Variants in PAX2 observed in about 807,000 individuals in gnomAD.
The protein encoded by PAX2 is paired box 2.
In PAX2, 9 loss-of-function variants were observed where a neutral mutation model predicts 41.7. The ratio of observed to expected loss-of-function variants is 0.22; its 90% CI spans 0.13 to 0.38. PAX2 has a LOEUF of 0.38. Ranked by LOEUF, PAX2 falls within the 10% of genes least tolerant of loss-of-function variation. The pLI, the probability that PAX2 is intolerant of heterozygous loss-of-function variation, is 1.00. For missense variants in PAX2, 418 were observed against 531.6 expected, an observed-to-expected ratio of 0.79 and a Z score of 2.10; for synonymous variants, 221 against 212.7, an observed-to-expected ratio of 1.04 and a Z score of -0.34.
chr10:100,769,931 G>A (rs377729101), intron 3 of PAX2, among the ~76,000 whole-genome samples: 1 of 152,236 alleles, frequency 6.6e-6, no homozygotes, highest in South Asian at 2.1e-4. Flanking sequence ...GGGAAACAGA[G>A]AGAAATAGAT....
chr10:100,818,471 G>A (rs991410229), intron 7 of PAX2, among the ~76,000 whole-genome samples: 2 of 152,132 alleles, frequency 1.3e-5, no homozygotes, highest in Non-Finnish European at 2.9e-5. Flanking sequence ...AGTGTCTTAT[G>A]CCAAAGAACG....
At chr10:100,825,481 A>ACCTAACC (rs1469973821) in intron 8 of PAX2, among the ~76,000 whole-genome samples, 4 of 152,120 alleles carry the variant, frequency 2.6e-5, no homozygotes, top group African/African-American at 9.7e-5. Flanking sequence ...GTTGTACTAT[A>ACCTAACC]CCTAACCCCT....
chr10:100,786,276 T>G (rs1846854852), intron 5 of PAX2, among the ~76,000 whole-genome samples: 1 of 152,260 alleles, frequency 6.6e-6, no homozygotes, highest in South Asian at 2.1e-4. Context: ...TCTGTTCATT[T>G]ACTCTGTGGT....
intron 3 of PAX2, among the ~76,000 whole-genome samples, chr10:100,763,749 G>C (rs1343073156): frequency 6.6e-6 from 1 of 152,186 alleles, no homozygotes; most frequent in Non-Finnish European, 1.5e-5. Context: ...GTAGGTGCTT[G>C]CTAAGCACCT....
intron 5 of PAX2, among the ~76,000 whole-genome samples, chr10:100,790,984 C>T (rs1239605173): frequency 6.6e-6 from 1 of 152,230 alleles, no homozygotes; most frequent in Non-Finnish European, 1.5e-5. Flanking sequence ...CCTGACCCTT[C>T]GGTGAACCTG....
At position 100,779,501 on chromosome 10, in the gene PAX2, C is replaced by A. The variant is rs1181522217; in HGVS notation, c.414C>A (p.Ile138=). 6 of 1,589,872 alleles carry A rather than the reference C, an allele frequency of 3.8e-6. No individual in the cohort carries two copies. Among genetic ancestry groups the A allele is most frequent in the Admixed American group, 1.8e-5 (1 of 56,324 alleles). The change falls in exon 4 of 10, where the codon ATC becomes ATA. Residue 138 remains isoleucine (I), a synonymous_variant. Coordinates refer to ENST00000355243, the MANE Select transcript of PAX2 (RefSeq NM_000278.5). ...TGCTGTTGTGACGCTGTTGCAGAATCATCCGGACCAAAGTTCAGCAGCCTT... is the reference window on the plus strand; with the variant it reads ...TGCTGTTGTGACGCTGTTGCAGAATAATCCGGACCAAAGTTCAGCAGCCTT... ...TVPSVSSINR[I]IRTKVQQPFH...
chr10:100,800,010 T>C (rs1050139449), intron 5 of PAX2, among the ~76,000 whole-genome samples: 18 of 151,770 alleles, frequency 1.2e-4, no homozygotes, highest in African/African-American at 4.4e-4. Flanking sequence ...TGGTCTCGAA[T>C]TCATGACCTT....
rs369726795 is a variant in PAX2, at chr10:100,824,763, C to T, written c.1021+14C>T. On this transcript the variant is annotated intron_variant, in intron 8 of 9. Transcript: ENST00000355243. This position sits in a 1 kb window ranked among gnomAD's most constrained non-coding sequence, Gnocchi z 6.6. The stretch of plus-strand genomic sequence containing the variant: ...GAATGGTGCCTGGTAGGTGACAATG[C>T]TGCAGCTGCCTAATCTAGGTGGGGG... 2 of 1,564,648 alleles carry T rather than the reference C, an allele frequency of 1.3e-6. No homozygotes were observed. Among genetic ancestry groups the T allele is most frequent in the Non-Finnish European group, 8.8e-7 (1 of 1,134,932 alleles).
At chr10:100,792,044 T>C (rs1847138341) in intron 5 of PAX2, among the ~76,000 whole-genome samples, 2 of 152,246 alleles carry the variant, frequency 1.3e-5, no homozygotes, top group African/African-American at 4.8e-5. Context: ...GGATCCATTT[T>C]TCTCTGGCAT....
chr10:100,740,643 T>C (rs1844920590), upstream of PAX2, among the ~76,000 whole-genome samples: 1 of 152,198 alleles, frequency 6.6e-6, no homozygotes, highest in Non-Finnish European at 1.5e-5. Flanking sequence ...ATTGATTAGC[T>C]CCATGGAGTA....
chr10:100,747,723 A>G, intron 1 of PAX2: 2 of 984,932 alleles, frequency 2.0e-6, no homozygotes, highest in South Asian at 9.4e-5. Flanking sequence ...AGTAATTTCC[A>G]AGCGCAGGAA....
intron 3 of PAX2, among the ~76,000 whole-genome samples, chr10:100,775,639 C>T (rs544336953): frequency 2.0e-5 from 3 of 152,262 alleles, no homozygotes; most frequent in South Asian, 2.1e-4. Flanking sequence ...TCCTCAAGCC[C>T]GTCCAGTTCT....
intron 3 of PAX2, among the ~76,000 whole-genome samples, chr10:100,753,527 C>T (rs1329058289): frequency 6.6e-6 from 1 of 152,198 alleles, no homozygotes; most frequent in Admixed American, 6.5e-5. Flanking sequence ...TTCCTGTGTG[C>T]ACAAAGTGTG....
chr10:100,825,413 G>A (rs1848515753), intron 8 of PAX2, among the ~76,000 whole-genome samples: 1 of 152,176 alleles, frequency 6.6e-6, no homozygotes, highest in African/African-American at 2.4e-5. Context: ...GTTGGGTTTG[G>A]GTTGTTTGAA....
chr10:100,778,928 T>A (rs1011462793), intron 3 of PAX2, among the ~76,000 whole-genome samples: 2 of 152,176 alleles, frequency 1.3e-5, no homozygotes, highest in African/African-American at 4.8e-5. Context: ...GACTGTGTGC[T>A]GTGTTGGAGT....
At chr10:100,743,275 C>T (rs892371565), upstream of PAX2, among the ~76,000 whole-genome samples, 5 of 152,206 alleles carry the variant, frequency 3.3e-5, no homozygotes, top group Non-Finnish European at 5.9e-5. Flanking sequence ...ACTTCCAGCA[C>T]ACTTGGCGCA....
chr10:100,751,436 C>A (rs1336443531), intron 3 of PAX2, among the ~76,000 whole-genome samples: 1 of 152,226 alleles, frequency 6.6e-6, no homozygotes, highest in Non-Finnish European at 1.5e-5. Flanking sequence ...CAAATGCCAA[C>A]CACCAGCCAG....
At chr10:100,804,895 T>C (rs937000827) in intron 5 of PAX2, among the ~76,000 whole-genome samples, 6 of 152,146 alleles carry the variant, frequency 3.9e-5, no homozygotes, top group South Asian at 2.1e-4. Flanking sequence ...ACAAATACCA[T>C]TGAAGCTGCT....
In PAX2 at chr10:100,745,739, C is replaced by T. The variant is rs556507478; in HGVS notation, c.-522C>T. The T allele has an allele frequency of 1.9e-6, 2 of 1,041,212 alleles. No homozygotes were observed. The highest frequency in any genetic ancestry group is 2.3e-6 in the Non-Finnish European group (2 of 864,232). The allele number at this position is 1,041,212 out of a possible 1,614,324, so 64.5% of individuals were successfully genotyped here. On this transcript the variant is annotated 5_prime_UTR_variant, in exon 1 of 10. Coordinates refer to ENST00000355243, the MANE Select transcript of PAX2 (RefSeq NM_000278.5). ...GGGCCTGGCCCGCGCGCTCCCCTCCCGCAGGCGCCACCTCGGACATCCCCG... is the reference window on the plus strand; with the variant it reads ...GGGCCTGGCCCGCGCGCTCCCCTCCTGCAGGCGCCACCTCGGACATCCCCG...
Sources: gnomAD v4.1 joint callset for allele counts (sites outside exome capture counted in the v4.1 genomes callset) on GRCh38, gnomAD v4.1.1 for gene constraint, Gnocchi (gnomAD v3.1) non-coding constraint, MANE v1.5 for transcripts, NCBI Gene and HGNC (gene_info 2026-07-23, HGNC 2026-07-21) for gene names.